The following ABCC1 variants were observed in gnomAD, a reference collection of about 807,000 sequenced individuals.
ABCC1 encodes the protein ATP binding cassette subfamily C member 1 (ABCC1 blood group), also known as multidrug resistance-associated protein 1.
In ABCC1, 83 loss-of-function variants were observed where a neutral mutation model predicts 172.9. The ratio of observed to expected loss-of-function variants is 0.48; its 90% CI spans 0.40 to 0.58. The LOEUF is 0.58. Among genes scored for constraint, ABCC1 ranks in the 20% least tolerant of loss-of-function variants. The probability of loss-of-function intolerance (pLI) is 0.00; values close to 1 mark genes in which losing one functional copy is unlikely to be tolerated. For missense variants in ABCC1, 1,817 were observed against 2,002.7 expected (o/e 0.91, Z 1.77); for synonymous variants, 937 against 825.2 (o/e 1.14, Z -2.32).
At chr16:16,041,020 T>C (rs905288298) in intron 7 of ABCC1, among the ~76,000 whole-genome samples, 1 of 151,988 alleles carries the variant, frequency 6.6e-6, no homozygotes, top group African/African-American at 2.4e-5. Flanking sequence ...CTCCATCTCC[T>C]AGGCTGGAGT....
At chr16:16,082,246 C>T (rs1362368755) in intron 16 of ABCC1, among the ~76,000 whole-genome samples, 1 of 152,120 alleles carries the variant, frequency 6.6e-6, no homozygotes, top group Admixed American at 6.5e-5. Context: ...TCCCTCTTCT[C>T]CTCATGAAAC....
intron 1 of ABCC1, among the ~76,000 whole-genome samples, chr16:15,986,139 T>G (rs1433418710): frequency 1.3e-5 from 2 of 151,550 alleles, no homozygotes; most frequent in African/African-American, 4.9e-5. Context: ...TTCACCATGT[T>G]GGACAGGCTG....
In ABCC1 at chr16:15,990,658, CT is replaced by C. The variant is rs1026376345; in HGVS notation, c.49-17148del. Among the ~76,000 whole-genome samples, 72 of 147,092 alleles carry C rather than the reference CT, an allele frequency of 4.9e-4. 1 individual carries two copies. The highest frequency in any genetic ancestry group is 3.5e-3 in the Middle Eastern group (1 of 282). On this transcript the variant is annotated intron_variant, in intron 1 of 30. Transcript: ENST00000399410. ...TGTTGCAAATGGCAGGATTTCTTTCCTTTTTTTTTTAGACAGAGTCTTGCTC... is the reference window on the plus strand; with the variant it reads ...TGTTGCAAATGGCAGGATTTCTTTCCTTTTTTTTTAGACAGAGTCTTGCTC...
At chr16:16,002,403 T>G (rs866241388) in intron 1 of ABCC1, among the ~76,000 whole-genome samples, 7 of 152,170 alleles carry the variant, frequency 4.6e-5, no homozygotes, top group Non-Finnish European at 8.8e-5. Flanking sequence ...GGGAATGGAA[T>G]GAGAAGACTT....
chr16:16,011,712 C>T (rs2047791677), intron 3 of ABCC1, among the ~76,000 whole-genome samples: 2 of 151,788 alleles, frequency 1.3e-5, no homozygotes, highest in South Asian at 4.2e-4. Flanking sequence ...CTTTGTTGCC[C>T]AGGCTGAAAT....
Position 16,141,970 on chromosome 16 carries a change from C to A in ABCC1, c.*689C>A, listed in dbSNP as rs1408449591. ...CAGCCTCTGCACTCCCACGCCTGTC[C>A]TCCTGGAAGGGACCTGGTTGGACTA... On this transcript the variant is annotated 3_prime_UTR_variant, in exon 31 of 31. Coordinates refer to ENST00000399410, the MANE Select transcript of ABCC1 (RefSeq NM_004996.4). 6.6e-6 allele frequency: 1 copy of A among 152,280 alleles called. No homozygotes were observed. The highest frequency in any genetic ancestry group is 1.5e-5 in the Non-Finnish European group (1 of 68,088). 9.4% of individuals were successfully genotyped at this position (152,280 alleles called of 1,614,324 possible).
intron 1 of ABCC1, among the ~76,000 whole-genome samples, chr16:16,005,299 T>G (rs2047485875): frequency 6.6e-6 from 1 of 151,680 alleles, no homozygotes; most frequent in South Asian, 2.1e-4. Context: ...TCCCAGCTCC[T>G]ACTGATGGTC....
intron 19 of ABCC1, among the ~76,000 whole-genome samples, chr16:16,090,942 C>T (rs758391760): frequency 2.0e-5 from 3 of 151,922 alleles, no homozygotes; most frequent in Non-Finnish European, 2.9e-5. Context: ...TCCTGGCTCT[C>T]GGGGCTGAGA....
intron 12 of ABCC1, among the ~76,000 whole-genome samples, chr16:16,066,292 C>T (rs935278042): frequency 3.3e-5 from 5 of 152,008 alleles, no homozygotes; most frequent in Admixed American, 2.0e-4. Flanking sequence ...AGCGATTCTC[C>T]TGCCTCAGCC....
intron 5 of ABCC1, among the ~76,000 whole-genome samples, chr16:16,029,831 T>C (rs2048503547): frequency 6.6e-6 from 1 of 152,080 alleles, no homozygotes; most frequent in Admixed American, 6.6e-5. Context: ...GCCTGATCAA[T>C]ATAGGTAGAC....
chr16:16,046,124 A>G, intron 9 of ABCC1, 111 bp downstream of exon 9: 2 of 1,245,138 alleles, frequency 1.6e-6, no homozygotes, highest in East Asian at 2.5e-5. Context: ...CTGGAGCAGT[A>G]GGATGAGGGT....
chr16:15,992,111 CGTGT>C (rs952728646), intron 1 of ABCC1, among the ~76,000 whole-genome samples: 7 of 152,020 alleles, frequency 4.6e-5, no homozygotes, highest in African/African-American at 1.7e-4. Flanking sequence ...TGCTGTGAAC[CGTGT>C]GCGCGAGGGA....
At chr16:15,962,185 C>T (rs1490178528) in intron 1 of ABCC1, among the ~76,000 whole-genome samples, 3 of 152,206 alleles carry the variant, frequency 2.0e-5, no homozygotes, top group Admixed American at 2.0e-4. Context: ...TTAAACCTTA[C>T]TTTCCAGAGG....
intron 5 of ABCC1, among the ~76,000 whole-genome samples, chr16:16,022,639 G>T (rs1264213790): frequency 6.6e-6 from 1 of 152,106 alleles, no homozygotes; most frequent in Non-Finnish European, 1.5e-5. Flanking sequence ...GTGGTTCAGG[G>T]TTGCAAATCA....
intron 1 of ABCC1, among the ~76,000 whole-genome samples, chr16:15,992,481 C>T (rs2046901027): frequency 6.7e-6 from 1 of 150,174 alleles, no homozygotes; most frequent in East Asian, 1.9e-4. Flanking sequence ...CTCACTGCAG[C>T]CTCTGCCTCC....
At chr16:15,989,160 T>C (rs1029231506) in intron 1 of ABCC1, among the ~76,000 whole-genome samples, 3 of 151,746 alleles carry the variant, frequency 2.0e-5, no homozygotes, top group Admixed American at 1.3e-4. Flanking sequence ...CCCGCCTGGA[T>C]AGAGCAAGGA....
At chr16:16,069,650 C>A (rs771007028) in intron 13 of ABCC1, among the ~76,000 whole-genome samples, 1 of 151,548 alleles carries the variant, frequency 6.6e-6, no homozygotes, top group East Asian at 1.9e-4. Context: ...CAAAAAAATC[C>A]ATTTTATTAT....
chr16:16,136,514 C>G lies in ABCC1; in HGVS notation c.4162C>G (p.Leu1388Val). Residue 1388 changes from leucine to valine, a missense_variant, in exon 29 of 31, where the codon CTG becomes GTG. Physicochemically the swap from Leu to Val is conservative, Grantham distance 32 (BLOSUM62 1). This residue lies in a region of ABCC1 where 1,412 missense variants were observed against 1,600.3 expected (regional missense o/e 0.88). Coordinates refer to ENST00000399410, the MANE Select transcript of ABCC1 (RefSeq NM_004996.4). The stretch of plus-strand genomic sequence containing the variant: ...GTTTTCGGGTTCCCTCCGAATGAAC[C>G]TGGACCCATTCAGCCAGTACTCGGA... Reference protein sequence around the residue: ...VLFSGSLRMNLDPFSQYSDEE... With the variant: ...VLFSGSLRMNVDPFSQYSDEE... The G allele has an allele frequency of 6.2e-7, 1 of 1,614,180 alleles. No individual in the cohort carries two copies. The highest frequency in any genetic ancestry group is 1.3e-5 in the African/African-American group (1 of 75,040).
chr16:16,004,322 A>G (rs1347325842), intron 1 of ABCC1, among the ~76,000 whole-genome samples: 1 of 152,148 alleles, frequency 6.6e-6, no homozygotes, highest in Non-Finnish European at 1.5e-5. Context: ...ACATAACTGC[A>G]TATGTCAAGT....
Sources: allele counts gnomAD v4.1 joint callset (sites outside exome capture counted in the v4.1 genomes callset), GRCh38; gene constraint gnomAD v4.1.1; regional missense constraint gnomAD v4.1.1; transcripts MANE v1.5; gene names NCBI Gene and HGNC (gene_info 2026-07-23, HGNC 2026-07-21).